CELF2: variants seen among roughly 807,000 people sequenced by gnomAD.
CELF2 encodes the protein CUGBP Elav-like family member 2, also known as CUG triplet repeat RNA-binding protein 2.
In CELF2, 8 loss-of-function variants were observed where a neutral mutation model predicts 62.6. The observed-to-expected ratio is 0.13, with a 90% confidence interval of 0.07 to 0.23. The LOEUF (loss-of-function observed/expected upper bound fraction) is 0.23. CELF2 is among the 10% of genes least tolerant of loss of function. The probability of loss-of-function intolerance (pLI) is 1.00; values close to 1 mark genes in which losing one functional copy is unlikely to be tolerated. For missense variants in CELF2, 333 were observed against 671.0 expected (o/e 0.50, Z 5.56); for synonymous variants, 258 against 250.0 (o/e 1.03, Z -0.30).
chr10:11,031,198 C>T (rs2060057157), intron 1 of CELF2, among the ~76,000 whole-genome samples: 1 of 152,176 alleles, frequency 6.6e-6, no homozygotes, highest in African/African-American at 2.4e-5. Context: ...AGTTGATGAC[C>T]TTATGCAGTA....
chr10:10,970,133 A>C (rs1240129034), intron 2 of CELF2, among the ~76,000 whole-genome samples: 1 of 152,130 alleles, frequency 6.6e-6, no homozygotes, highest in Non-Finnish European at 1.5e-5. Flanking sequence ...CAGTGGCGCA[A>C]TTTCGGCTCA....
At chr10:11,199,184 A>G (rs57731906) in intron 2 of CELF2, among the ~76,000 whole-genome samples, 1 of 152,236 alleles carries the variant, frequency 6.6e-6, no homozygotes, top group Non-Finnish European at 1.5e-5. Context: ...TCTGGGACCA[A>G]CATCTTTAAT....
chr10:10,651,430 A>G, the CELF2 span, among the ~76,000 whole-genome samples: 7 of 140,360 alleles, frequency 5.0e-5, no homozygotes, highest in South Asian at 2.7e-4. Context: ...GCACAGACAA[A>G]CAAAAAGACA....
Position 10,931,818 on chromosome 10 carries a change from A to G in CELF2, c.89+11819A>G, listed in dbSNP as rs1239491008. Among the ~76,000 whole-genome samples the G allele has an allele frequency of 2.0e-5, 3 of 152,196 alleles. No individual in the cohort carries two copies. Among genetic ancestry groups the G allele is most frequent in the African/African-American group, 7.2e-5 (3 of 41,442 alleles). Reference sequence around the variant, plus strand: ...CAACTGAGTAATTTATAAAGACATGAGGTTTAATGGACTCACAGTTCCACA... The same window carrying G: ...CAACTGAGTAATTTATAAAGACATGGGGTTTAATGGACTCACAGTTCCACA... On this transcript the variant is annotated intron_variant, in intron 2 of 13. Coordinates refer to the CELF2 transcript ENST00000636488. This position sits in a 1 kb window ranked among gnomAD's most constrained non-coding sequence, Gnocchi z 6.1.
chr10:10,851,211 A>G (rs1414803499), intron 1 of CELF2, among the ~76,000 whole-genome samples: 1 of 152,222 alleles, frequency 6.6e-6, no homozygotes, highest in African/African-American at 2.4e-5. Flanking sequence ...TTCTTTTTCA[A>G]AACACATGCT....
the CELF2 span, among the ~76,000 whole-genome samples, chr10:10,683,723 T>C: frequency 6.6e-6 from 1 of 152,242 alleles, no homozygotes; most frequent in Non-Finnish European, 1.5e-5. Flanking sequence ...ATGTAGATCA[T>C]ATATGATGGG....
chr10:10,857,682 T>TATATATATATATAC (rs59587498), intron 1 of CELF2, among the ~76,000 whole-genome samples: 1 of 135,720 alleles, frequency 7.4e-6, no homozygotes, highest in Non-Finnish European at 1.6e-5. Flanking sequence ...TATATATATA[T>TATATATATATATAC]TTTACCTCAA....
chr10:10,977,727 C>G (rs1029248887), intron 2 of CELF2, among the ~76,000 whole-genome samples: 2 of 152,178 alleles, frequency 1.3e-5, no homozygotes, highest in Admixed American at 1.3e-4. Context: ...CATTCAGGTA[C>G]ATAACTGCCT....
chr10:10,585,849 G>T, the CELF2 span, among the ~76,000 whole-genome samples: 1 of 152,146 alleles, frequency 6.6e-6, no homozygotes, highest in Non-Finnish European at 1.5e-5. Context: ...TGCAGCAACT[G>T]GGAAGAAAAA....
At chr10:10,740,922 C>A in the CELF2 span, among the ~76,000 whole-genome samples, 4 of 151,916 alleles carry the variant, frequency 2.6e-5, no homozygotes, top group Admixed American at 1.3e-4. Context: ...ATGACCAGGG[C>A]TGGAGAAGGT....
At chr10:11,181,776 C>G (rs1448965619) in intron 2 of CELF2, among the ~76,000 whole-genome samples, 3 of 152,224 alleles carry the variant, frequency 2.0e-5, no homozygotes, top group Non-Finnish European at 4.4e-5. Context: ...AGGACCTCAT[C>G]GAACTTAGTA....
At position 11,165,872 on chromosome 10, in the gene CELF2, G is replaced by C. The variant is rs935077534; in HGVS notation, c.271+190G>C. Among the ~76,000 whole-genome samples the C allele has an allele frequency of 9.2e-5, 14 of 152,228 alleles. No homozygotes were observed. Among genetic ancestry groups the C allele is most frequent in the African/African-American group, 2.4e-4 (10 of 41,474 alleles). On this transcript the variant is annotated intron_variant, in intron 2 of 12. Transcript: ENST00000633077. This position sits in a 1 kb window ranked among gnomAD's most constrained non-coding sequence, Gnocchi z 7.4. The stretch of plus-strand genomic sequence containing the variant: ...CCGCACCCCCGCCCGCCTGCCCGCC[G>C]GGACAGGTTGGAGGCGGGAGAGAGG...
At chr10:11,170,078 G>A (rs1268143132) in intron 2 of CELF2, among the ~76,000 whole-genome samples, 1 of 152,216 alleles carries the variant, frequency 6.6e-6, no homozygotes, top group Non-Finnish European at 1.5e-5. Context: ...GCTGAGTGTA[G>A]ATGTGCCTTT....
chr10:10,904,235 T>C (rs1055589544), intron 1 of CELF2, among the ~76,000 whole-genome samples: 1 of 145,734 alleles, frequency 6.9e-6, no homozygotes, highest in Non-Finnish European at 1.5e-5. Flanking sequence ...TTAATTTTTT[T>C]TTTTGTTTAG....
At chr10:10,465,293 A>G in the CELF2 span, among the ~76,000 whole-genome samples, 1 of 152,168 alleles carries the variant, frequency 6.6e-6, no homozygotes, top group African/African-American at 2.4e-5. Flanking sequence ...TGTCTTGGTC[A>G]TCAGGGGAAT....
At position 10,928,400 on chromosome 10, in the gene CELF2, C is replaced by T. The variant is rs2065748350; in HGVS notation, c.89+8401C>T. On this transcript the variant is annotated intron_variant, in intron 2 of 13. Transcript: ENST00000636488. This position sits in a 1 kb window ranked among gnomAD's most constrained non-coding sequence, Gnocchi z 4.8. ...AGTGTCATCTCTCTGCTCTTTTTCT[C>T]CCCTACCAAACTCTCTACCACTTGT... Among the ~76,000 whole-genome samples, 1 of 152,256 alleles carries T rather than the reference C, an allele frequency of 6.6e-6. No homozygotes were observed. The highest frequency in any genetic ancestry group is 1.9e-4 in the East Asian group (1 of 5,174).
chr10:11,146,465 G>C (rs534428022), intron 1 of CELF2, among the ~76,000 whole-genome samples: 64 of 152,278 alleles, frequency 4.2e-4, no homozygotes, highest in South Asian at 4.1e-4. Context: ...AAATATCTTT[G>C]TTATCATCTA....
At chr10:10,874,780 T>G (rs1310963505) in intron 1 of CELF2, among the ~76,000 whole-genome samples, 1 of 152,162 alleles carries the variant, frequency 6.6e-6, no homozygotes, top group Non-Finnish European at 1.5e-5. Flanking sequence ...CAGGATTAAC[T>G]TGGTAACTTC....
chr10:10,506,614 GGA>G, the CELF2 span, among the ~76,000 whole-genome samples: 4 of 147,818 alleles, frequency 2.7e-5, no homozygotes, highest in South Asian at 8.6e-4. Context: ...CCTGGACTCT[GGA>G]AGAATGCCTA....
Sources: allele counts gnomAD v4.1 joint callset (sites outside exome capture counted in the v4.1 genomes callset), GRCh38; gene constraint gnomAD v4.1.1; non-coding constraint Gnocchi (gnomAD v3.1); transcripts MANE v1.5; gene names NCBI Gene and HGNC (gene_info 2026-07-23, HGNC 2026-07-21).